GPC5: variants seen among roughly 807,000 people sequenced by gnomAD.
The protein encoded by GPC5 is glypican-5.
Under a neutral mutation model 53.9 loss-of-function variants are expected in GPC5, and 47 were observed. The observed-to-expected ratio is 0.87, with a 90% CI of 0.69 to 1.11. GPC5 has a LOEUF of 1.11. Ranked by LOEUF, GPC5 falls within the 50% of genes most tolerant of loss-of-function variation. The pLI, the probability that GPC5 is intolerant of heterozygous loss-of-function variation, is 0.00. For missense variants in GPC5, 748 were observed against 713.1 expected (o/e 1.05, Z -0.56); for synonymous variants, 286 against 263.3 (o/e 1.09, Z -0.84).
chr13:92,412,413 T>C (rs1218052508), intron 7 of GPC5, among the ~76,000 whole-genome samples: 1 of 152,194 alleles, frequency 6.6e-6, no homozygotes, highest in Non-Finnish European at 1.5e-5. Flanking sequence ...CAGTAAATGA[T>C]ATCGTGTGTT....
intron 7 of GPC5, among the ~76,000 whole-genome samples, chr13:92,712,799 T>G (rs1888182705): frequency 6.6e-6 from 1 of 152,080 alleles, no homozygotes; most frequent in South Asian, 2.1e-4. Flanking sequence ...GAAAATGAAG[T>G]CATATGAATG....
intron 7 of GPC5, among the ~76,000 whole-genome samples, chr13:92,301,573 G>T (rs2043075606): frequency 6.6e-6 from 1 of 152,042 alleles, no homozygotes; most frequent in South Asian, 2.1e-4. Flanking sequence ...CCACTGGGTT[G>T]TTGTAAAAAT....
At chr13:91,559,433 G>A (rs976109330) in intron 2 of GPC5, among the ~76,000 whole-genome samples, 6 of 152,118 alleles carry the variant, frequency 3.9e-5, no homozygotes, top group Non-Finnish European at 5.9e-5. Flanking sequence ...ATGGCCATAA[G>A]TAATAGTTAC....
At chr13:92,588,453 G>C (rs1744881952) in intron 7 of GPC5, among the ~76,000 whole-genome samples, 1 of 152,186 alleles carries the variant, frequency 6.6e-6, no homozygotes, top group Non-Finnish European at 1.5e-5. Context: ...GCTACCCACT[G>C]TTTTGTTTCC....
chr13:92,503,704 A>G (rs1167918480), intron 7 of GPC5, among the ~76,000 whole-genome samples: 2 of 151,962 alleles, frequency 1.3e-5, no homozygotes, highest in East Asian at 1.9e-4. Context: ...TACAGACTCC[A>G]TAAACATTAA....
chr13:91,812,133 T>C (rs899256361), intron 5 of GPC5, among the ~76,000 whole-genome samples: 8 of 152,188 alleles, frequency 5.3e-5, no homozygotes, highest in African/African-American at 1.4e-4. Context: ...TGAACTTTCA[T>C]TGAAGAAAAT....
chr13:92,034,889 T>C (rs1032338870), intron 6 of GPC5, among the ~76,000 whole-genome samples: 3 of 152,144 alleles, frequency 2.0e-5, no homozygotes, highest in African/African-American at 7.2e-5. Context: ...ATAGACTTCA[T>C]GTTCTATTAT....
intron 7 of GPC5, among the ~76,000 whole-genome samples, chr13:92,229,572 A>G (rs2042514923): frequency 6.6e-6 from 1 of 152,116 alleles, no homozygotes; most frequent in Admixed American, 6.6e-5. Context: ...TTATGATGAA[A>G]TCAATGTGGA....
chr13:92,467,399 G>A (rs529356853), intron 7 of GPC5, among the ~76,000 whole-genome samples: 2 of 152,194 alleles, frequency 1.3e-5, no homozygotes, highest in South Asian at 2.1e-4. Context: ...GCTTATAGAT[G>A]AGTCTGGCTG....
intron 2 of GPC5, among the ~76,000 whole-genome samples, chr13:91,539,697 A>C (rs896764266): frequency 2.0e-5 from 3 of 152,162 alleles, no homozygotes; most frequent in Admixed American, 1.3e-4. Context: ...GGGCAGTGAC[A>C]AAAAGAAAAA....
intron 7 of GPC5, among the ~76,000 whole-genome samples, chr13:92,481,488 A>G (rs1879354642): frequency 6.6e-6 from 1 of 152,176 alleles, no homozygotes; most frequent in Non-Finnish European, 1.5e-5. Flanking sequence ...AAAAAGGGGA[A>G]AAGAGTTGGG....
At chr13:92,089,731 T>A (rs1594758628) in intron 6 of GPC5, among the ~76,000 whole-genome samples, 2 of 152,260 alleles carry the variant, frequency 1.3e-5, no homozygotes, top group Admixed American at 6.5e-5. Flanking sequence ...ACTTTAACTA[T>A]TTAAGATTAG....
At chr13:91,829,392 T>G (rs561890297) in intron 5 of GPC5, among the ~76,000 whole-genome samples, 9 of 152,194 alleles carry the variant, frequency 5.9e-5, no homozygotes, top group African/African-American at 1.9e-4. Context: ...CTGGATCCTG[T>G]ACTGGGAAAA....
At chr13:91,645,970 A>T (rs1365873963) in intron 2 of GPC5, among the ~76,000 whole-genome samples, 1 of 152,234 alleles carries the variant, frequency 6.6e-6, no homozygotes, top group Non-Finnish European at 1.5e-5. Flanking sequence ...ACTGGGTAAC[A>T]TGTTGGTAGC....
chr13:91,713,323 C>T (rs1421440878), intron 3 of GPC5, among the ~76,000 whole-genome samples: 1 of 151,450 alleles, frequency 6.6e-6, no homozygotes, highest in Non-Finnish European at 1.5e-5. Context: ...AAGTGCCCCC[C>T]ACCCCCCTTT....
chr13:92,372,254 A>T lies in GPC5; in HGVS notation c.1561+227265A>T, dbSNP rs1258103367. Among the ~76,000 whole-genome samples, 4 of 152,226 alleles carry T rather than the reference A, an allele frequency of 2.6e-5. No homozygotes were observed. The East Asian group carries it at 7.7e-4, about 29-fold the overall frequency. ...ATTTTTGGTAATTTGTTACAGCAGC[A>T]GTAGAATACTGTTACAGTGGCTTTC... On this transcript the variant is annotated intron_variant, in intron 7 of 7. Coordinates refer to ENST00000377067, the MANE Select transcript of GPC5 (RefSeq NM_004466.6).
At chr13:92,082,597 T>C (rs1000440958) in intron 6 of GPC5, among the ~76,000 whole-genome samples, 6 of 152,204 alleles carry the variant, frequency 3.9e-5, no homozygotes, top group African/African-American at 1.4e-4. Flanking sequence ...AATAAATATA[T>C]TGCTCACAAT....
At chr13:92,714,847 C>T (rs887123911) in intron 7 of GPC5, among the ~76,000 whole-genome samples, 1 of 152,140 alleles carries the variant, frequency 6.6e-6, no homozygotes, top group African/African-American at 2.4e-5. Flanking sequence ...GCAAGTGGAT[C>T]ACGAGTTCAG....
chr13:91,707,516 G>A (rs1045597555), intron 3 of GPC5, among the ~76,000 whole-genome samples: 20 of 152,094 alleles, frequency 1.3e-4, no homozygotes, highest in African/African-American at 4.1e-4. Flanking sequence ...AGCTGCTCAG[G>A]AAGCTCATGT....
Sources: gnomAD v4.1 joint callset for allele counts (sites outside exome capture counted in the v4.1 genomes callset) on GRCh38, gnomAD v4.1.1 for gene constraint, MANE v1.5 for transcripts, NCBI Gene and HGNC (gene_info 2026-07-23, HGNC 2026-07-21) for gene names.